MNAT1: variants seen among roughly 807,000 people sequenced by gnomAD.
The protein encoded by MNAT1 is CDK-activating kinase assembly factor MAT1.
In MNAT1, 43 loss-of-function variants were observed where a neutral mutation model predicts 42.0. The observed-to-expected ratio is 1.02, with a 90% CI of 0.80 to 1.32. The LOEUF (loss-of-function observed/expected upper bound fraction) is 1.32. Ranked by LOEUF, MNAT1 falls within the 40% of genes most tolerant of loss-of-function variation. The pLI, the probability that MNAT1 is intolerant of heterozygous loss-of-function variation, is 0.00. For missense variants in MNAT1, 306 were observed against 350.4 expected (o/e 0.87, Z 1.01); for synonymous variants, 118 against 120.0 (o/e 0.98, Z 0.11).
intron 1 of MNAT1, among the ~76,000 whole-genome samples, chr14:60,747,048 C>A (rs1300127936): frequency 3.9e-4 from 56 of 143,786 alleles, no homozygotes; most frequent in Admixed American, 1.3e-3. Flanking sequence ...TACAGTGGTG[C>A]GATCTCGGCT....
chr14:60,843,310 G>T (rs768974373), intron 6 of MNAT1, among the ~76,000 whole-genome samples: 1 of 151,598 alleles, frequency 6.6e-6, no homozygotes, highest in Non-Finnish European at 1.5e-5. Context: ...TCGCTCTGTC[G>T]CCCAGGCTGG....
At position 60,784,179 on chromosome 14, in the gene MNAT1, ATTTTTT is replaced by A. The variant is rs71114155; in HGVS notation, c.90-12019_90-12014del. The stretch of plus-strand genomic sequence containing the variant: ...AGATACGTGCCACCATGCCTGGCTA[ATTTTTT>A]TTTTTTTTTTTTTTTTTTAGTAGAG... On this transcript the variant is annotated intron_variant, in intron 1 of 7. Transcript: ENST00000261245. Among the ~76,000 whole-genome samples, 301 of 53,290 alleles carry A rather than the reference ATTTTTT, an allele frequency of 5.6e-3. 2 individuals carry two copies. Among genetic ancestry groups the A allele is most frequent in the Non-Finnish European group, 7.1e-3 (219 of 30,914 alleles). The allele number at this position is 53,290 out of a possible 152,430, so 35.0% of individuals were successfully genotyped here.
intron 1 of MNAT1, among the ~76,000 whole-genome samples, chr14:60,758,479 A>G (rs903122951): frequency 1.3e-5 from 2 of 152,030 alleles, no homozygotes; most frequent in Non-Finnish European, 2.9e-5. Flanking sequence ...CTGGGATTAC[A>G]GGTGTGAGCC....
At position 60,775,032 on chromosome 14, in the gene MNAT1, A is replaced by T. The variant is rs4151182; in HGVS notation, c.90-21185A>T. On this transcript the variant is annotated intron_variant, in intron 1 of 7. Transcript: ENST00000261245. ...TTGGGAGGCACATTTACAGCTGTTT[A>T]GACTGGATATGATCATTTGTAGGGG... Among the ~76,000 whole-genome samples the T allele has an allele frequency of 4.1e-4, 62 of 151,994 alleles. No homozygotes were observed. The East Asian group carries it at 9.5e-3, about 23-fold the overall frequency.
At chr14:60,820,947 C>T (rs997797068) in intron 6 of MNAT1, among the ~76,000 whole-genome samples, 2 of 151,992 alleles carry the variant, frequency 1.3e-5, no homozygotes, top group African/African-American at 4.8e-5. Context: ...ATGGAGTTAG[C>T]CATGCAAAAA....
chr14:60,845,603 T>G (rs866916167), intron 6 of MNAT1, among the ~76,000 whole-genome samples: 9 of 152,186 alleles, frequency 5.9e-5, no homozygotes, highest in Non-Finnish European at 8.8e-5. Flanking sequence ...TTAGTAATAT[T>G]AAAGAGATCT....
chr14:60,968,582 T>C lies in MNAT1; in HGVS notation c.*233T>C. 1 of 1,216,748 alleles carries C rather than the reference T, an allele frequency of 8.2e-7. No homozygotes were observed. The highest frequency in any genetic ancestry group is 1.1e-6 in the Non-Finnish European group (1 of 902,168). The allele number at this position is 1,216,748 out of a possible 1,614,324, so 75.4% of individuals were successfully genotyped here. A position where few individuals can be genotyped will look rare whatever the true frequency, so the allele number is the denominator to read the frequency against. On this transcript the variant is annotated 3_prime_UTR_variant, in exon 8 of 8. Transcript: ENST00000261245. ...AGAGGATTTGACACGATAAGCCTCA[T>C]CTGATGGAAGAGAGGAATAAATAAT...
chr14:60,796,247 G>A lies in MNAT1; in HGVS notation c.120G>A (p.Val40=). 6.2e-7 allele frequency: 1 copy of A among 1,612,524 alleles called. No homozygotes were observed. The highest frequency in any genetic ancestry group is 1.1e-5 in the South Asian group (1 of 90,690). The change falls in exon 2 of 8, where the codon GTG becomes GTA. Residue 40 remains valine (V), a synonymous_variant. Coordinates refer to ENST00000261245, the MANE Select transcript of MNAT1 (RefSeq NM_002431.4). ...AAAGTTGTGTAGATTTACTGTTTGT[G>A]AGAGGAGCTGGAAACTGCCCTGAGT... The part of the protein sequence containing the change: ...LCESCVDLLF[V]RGAGNCPECG...
At chr14:60,908,586 C>T (rs550108273) in intron 7 of MNAT1, among the ~76,000 whole-genome samples, 4 of 150,326 alleles carry the variant, frequency 2.7e-5, no homozygotes, top group East Asian at 4.0e-4. Context: ...GGTTTTTTGT[C>T]CTTGCGATAG....
chr14:60,849,592 A>G (rs4151249), intron 6 of MNAT1, among the ~76,000 whole-genome samples: 2 of 152,220 alleles, frequency 1.3e-5, no homozygotes, highest in Non-Finnish European at 2.9e-5. Context: ...TATAGTATTC[A>G]GTGAACTTGC....
rs116628458 is a variant in MNAT1 at position 60,822,659 on chromosome 14, C to G, written c.687+3812C>G. On this transcript the variant is annotated intron_variant, in intron 6 of 7. Coordinates refer to ENST00000261245, the MANE Select transcript of MNAT1 (RefSeq NM_002431.4). ...GTATAGTTATGTTGGCCAGGCTGGT[C>G]TTGAATTCCTGGTCTCAAGCAATCT... 7.8e-3 allele frequency among the ~76,000 whole-genome samples: 1,145 copies of G among 147,530 alleles called. 15 individuals are homozygous for G. Among genetic ancestry groups the G allele is most frequent in the African/African-American group, 0.027 (1,095 of 39,884 alleles).
Position 60,968,649 on chromosome 14 carries a change from T to C in MNAT1, c.*300T>C, listed in dbSNP as rs2036727908. ...GAGGTTGTGACAGACTTATAAAATC[T>C]TTTTAAAAAATAAAGCTATAATTTA... On this transcript the variant is annotated 3_prime_UTR_variant, in exon 8 of 8. Transcript: ENST00000261245. The C allele has an allele frequency of 1.6e-6, 1 of 641,188 alleles. No homozygotes were observed. The highest frequency in any genetic ancestry group is 2.3e-6 in the Non-Finnish European group (1 of 434,596). 39.7% of individuals were successfully genotyped at this position (641,188 alleles called of 1,614,324 possible).
At chr14:60,939,634 G>A (rs2139585639) in intron 7 of MNAT1, among the ~76,000 whole-genome samples, 1 of 152,164 alleles carries the variant, frequency 6.6e-6, no homozygotes, top group Admixed American at 6.5e-5. Flanking sequence ...CATTTACTGA[G>A]GAGTGCTTTA....
chr14:60,770,306 G>C (rs980154537), intron 1 of MNAT1, among the ~76,000 whole-genome samples: 1 of 151,870 alleles, frequency 6.6e-6, no homozygotes, highest in African/African-American at 2.4e-5. Flanking sequence ...TATATATATA[G>C]TATCCTTATC....
intron 6 of MNAT1, among the ~76,000 whole-genome samples, chr14:60,868,068 A>G (rs1337657287): frequency 1.3e-5 from 2 of 152,172 alleles, no homozygotes; most frequent in African/African-American, 2.4e-5. Flanking sequence ...TCTAAAATAA[A>G]TTGAAAACAA....
At chr14:60,966,671 C>A (rs2036689168) in intron 7 of MNAT1, among the ~76,000 whole-genome samples, 1 of 151,886 alleles carries the variant, frequency 6.6e-6, no homozygotes, top group Non-Finnish European at 1.5e-5. Context: ...TGCCACCACG[C>A]CCAGCCAAGT....
intron 5 of MNAT1, 42 bp downstream of exon 5, chr14:60,812,169 A>G: frequency 6.8e-7 from 1 of 1,477,768 alleles, no homozygotes; most frequent in South Asian, 1.6e-5. Context: ...AACATTCTTC[A>G]GGATTTACCT....
chr14:60,864,405 A>G (rs2139438430), intron 6 of MNAT1, among the ~76,000 whole-genome samples: 2 of 152,132 alleles, frequency 1.3e-5, no homozygotes, highest in South Asian at 2.1e-4. Context: ...ATAAATTTTC[A>G]TATTTTAGTT....
chr14:60,909,916 G>A (rs1394045771), intron 7 of MNAT1, among the ~76,000 whole-genome samples: 1 of 152,038 alleles, frequency 6.6e-6, no homozygotes, highest in African/African-American at 2.4e-5. Flanking sequence ...ACCTTGGGCA[G>A]TATGGCCATT....
Sources: gnomAD v4.1 joint callset for allele counts (sites outside exome capture counted in the v4.1 genomes callset) on GRCh38, gnomAD v4.1.1 for gene constraint, MANE v1.5 for transcripts, NCBI Gene and HGNC (gene_info 2026-07-23, HGNC 2026-07-21) for gene names.